The following FLT3LG variants were observed in gnomAD, a reference collection of about 807,000 sequenced individuals.
FLT3LG encodes the protein fms related receptor tyrosine kinase 3 ligand, also known as fms-related tyrosine kinase 3 ligand.
In FLT3LG, 8 loss-of-function variants were observed where a neutral mutation model predicts 30.9. The observed-to-expected ratio is 0.26, with a 90% CI of 0.15 to 0.47. The LOEUF (loss-of-function observed/expected upper bound fraction) is 0.47. FLT3LG is among the 20% of genes least tolerant of loss of function. The probability of loss-of-function intolerance (pLI) is 0.99; values close to 1 mark genes in which losing one functional copy is unlikely to be tolerated. For missense variants in FLT3LG, 278 were observed against 306.2 expected (o/e 0.91, Z 0.69); for synonymous variants, 123 against 135.9 (o/e 0.91, Z 0.66).
Position 49,484,631 on chromosome 19 carries a change from G to A in FLT3LG, c.*22-1384G>A, listed in dbSNP as rs1048609836. 3.3e-5 allele frequency among the ~76,000 whole-genome samples: 5 copies of A among 151,604 alleles called. 1 individual carries two copies. Among genetic ancestry groups the A allele is most frequent in the African/African-American group, 1.2e-4 (5 of 41,244 alleles). ...ACTGCCTCAGCCTCCTGAGTAGCTG[G>A]GATTACAGGCACACACCACCACACC... On this transcript the variant is annotated intron_variant, in intron 8 of 8. Coordinates refer to ENST00000597551, the MANE Select transcript of FLT3LG (RefSeq NM_001459.4).
Position 49,476,729 on chromosome 19 carries a change from G to A in FLT3LG, c.342+163G>A, listed in dbSNP as rs2079407217. 4 of 887,032 alleles carry A rather than the reference G, an allele frequency of 4.5e-6. No homozygotes were observed. Among genetic ancestry groups the A allele is most frequent in the Non-Finnish European group, 6.8e-6 (4 of 591,778 alleles). The allele number at this position is 887,032 out of a possible 1,614,324, so 54.9% of individuals were successfully genotyped here. On this transcript the variant is annotated intron_variant, in intron 5 of 8. Coordinates refer to ENST00000597551, the MANE Select transcript of FLT3LG (RefSeq NM_001459.4). This position sits in a 1 kb window ranked among gnomAD's most constrained non-coding sequence, Gnocchi z 5.3. ...GAGCCCTGTTCCTACAGAACAACACGTCCCCAGGCACCGGTGATGGGGAGC... is the reference window on the plus strand; with the variant it reads ...GAGCCCTGTTCCTACAGAACAACACATCCCCAGGCACCGGTGATGGGGAGC...
intron 2 of FLT3LG, 134 bp downstream of exon 2, chr19:49,474,806 A>T: frequency 5.3e-6 from 4 of 749,998 alleles, no homozygotes; most frequent in Admixed American, 2.6e-5. Context: ...GACAGATGTG[A>T]GGGGAGATGG....
intron 6 of FLT3LG, chr19:49,479,720 A>G: frequency 5.8e-6 from 1 of 172,378 alleles, no homozygotes; most frequent in Non-Finnish European, 1.3e-5. Flanking sequence ...GTCAGCCAGG[A>G]TGGTCTCGAT....
chr19:49,475,841 T>A, intron 3 of FLT3LG, 40 bp downstream of exon 3: 1 of 1,381,066 alleles, frequency 7.2e-7, no homozygotes. Context: ...GTGATCCCCC[T>A]TCCCCCCACT....
At chr19:49,475,620 G>A (rs759091163) in intron 2 of FLT3LG, 71 bp from the exon 3 acceptor site, 5 of 1,549,610 alleles carry the variant, frequency 3.2e-6, no homozygotes, top group Non-Finnish European at 4.3e-6. Flanking sequence ...GAACAGTACA[G>A]GTGGGAAGCC....
chr19:49,480,213 C>A, intron 6 of FLT3LG, 85 bp from the exon 7 acceptor site: 2 of 1,006,502 alleles, frequency 2.0e-6, no homozygotes, highest in Non-Finnish European at 2.9e-6. Flanking sequence ...CATCCAAGGT[C>A]ACACAGCCAG....
At chr19:49,479,395 C>A (rs927903510) in intron 6 of FLT3LG, among the ~76,000 whole-genome samples, 1 of 151,064 alleles carries the variant, frequency 6.6e-6, no homozygotes, top group South Asian at 2.1e-4. Flanking sequence ...GGGGTTTTAC[C>A]GAGTTAAACC....
At chr19:49,480,713 G>A in intron 8 of FLT3LG, 93 bp downstream of exon 8, 1 of 1,327,696 alleles carries the variant, frequency 7.5e-7, no homozygotes, top group South Asian at 1.3e-5. Flanking sequence ...GCAGTGGAGG[G>A]GCAGGGGCAG....
intron 5 of FLT3LG, among the ~76,000 whole-genome samples, chr19:49,477,377 G>A (rs574005283): frequency 6.6e-6 from 1 of 152,050 alleles, no homozygotes; most frequent in East Asian, 1.9e-4. Flanking sequence ...CCTGGAGGTC[G>A]AGGCTGCGAT....
chr19:49,484,288 ATTTTT>A (rs745909519), intron 8 of FLT3LG, among the ~76,000 whole-genome samples: 3 of 98,352 alleles, frequency 3.1e-5, no homozygotes, highest in African/African-American at 1.3e-4. Context: ...TTTTATTATA[ATTTTT>A]TTTTTTTTTT....
intron 8 of FLT3LG, among the ~76,000 whole-genome samples, chr19:49,483,472 C>T (rs2079685048): frequency 6.6e-6 from 1 of 152,074 alleles, no homozygotes. Context: ...ATGAAATTTA[C>T]AGTTGCCAAA....
chr19:49,482,618 G>T (rs934697378), intron 8 of FLT3LG, among the ~76,000 whole-genome samples: 1 of 149,688 alleles, frequency 6.7e-6, no homozygotes, highest in Non-Finnish European at 1.5e-5. Flanking sequence ...TCACTTTCCT[G>T]GTAGCCACAT....
At chr19:49,479,113 CA>C (rs1189353185) in intron 6 of FLT3LG, 66 bp downstream of exon 6, 12 of 1,381,250 alleles carry the variant, frequency 8.7e-6, no homozygotes, top group Non-Finnish European at 1.2e-5. Context: ...CCTCTCTGCA[CA>C]GTGCATCCCA....
rs533973870 is a variant in FLT3LG at position 49,478,239 on chromosome 19, G to A, written c.343-670G>A. On this transcript the variant is annotated intron_variant, in intron 5 of 8. Transcript: ENST00000597551. ...ATCCCACACTTTGGGAGGCCGAGGC[G>A]GGCGGATCACAAGGTCAGGAGATCA... Among the ~76,000 whole-genome samples the A allele has an allele frequency of 2.2e-4, 34 of 152,022 alleles. No homozygotes were observed. In the South Asian group the frequency reaches 4.1e-3, roughly 19 times the overall value.
chr19:49,479,429 T>C (rs1255633612), intron 6 of FLT3LG, among the ~76,000 whole-genome samples: 1 of 151,530 alleles, frequency 6.6e-6, no homozygotes, highest in African/African-American at 2.4e-5. Context: ...TCTCCTGACC[T>C]TGTGATCCAC....
chr19:49,476,207 T>C lies in FLT3LG; in HGVS notation c.198+9T>C. ...CCTCCAACCTGCAGGACGTAAGTCATGTTGGGAGGGACCTGGGATGGAGGT... is the reference window on the plus strand; with the variant it reads ...CCTCCAACCTGCAGGACGTAAGTCACGTTGGGAGGGACCTGGGATGGAGGT... On this transcript the variant is annotated intron_variant, in intron 4 of 8. Transcript: ENST00000597551. The surrounding 1 kb of genome is among the most constrained non-coding windows in gnomAD (Gnocchi z 5.3). 2 of 1,608,632 alleles carry C rather than the reference T, an allele frequency of 1.2e-6. No homozygotes were observed. Among genetic ancestry groups the C allele is most frequent in the Non-Finnish European group, 1.7e-6 (2 of 1,176,290 alleles).
chr19:49,475,591 A>C, intron 2 of FLT3LG, 100 bp from the exon 3 acceptor site: 6 of 1,428,836 alleles, frequency 4.2e-6, no homozygotes, highest in East Asian at 2.5e-5. Context: ...CACCCAGGGA[A>C]GGAGGAGCGG....
chr19:49,484,959 C>T (rs1209575370), intron 8 of FLT3LG, among the ~76,000 whole-genome samples: 1 of 152,022 alleles, frequency 6.6e-6, no homozygotes, highest in Non-Finnish European at 1.5e-5. Context: ...GTGGCGTGCA[C>T]CCGTAATCCC....
At chr19:49,482,974 C>G (rs1362844699) in intron 8 of FLT3LG, among the ~76,000 whole-genome samples, 1 of 151,938 alleles carries the variant, frequency 6.6e-6, no homozygotes, top group African/African-American at 2.4e-5. Flanking sequence ...TTATTTTATG[C>G]AGTATATCCA....
Sources: allele counts gnomAD v4.1 joint callset (sites outside exome capture counted in the v4.1 genomes callset), GRCh38; gene constraint gnomAD v4.1.1; non-coding constraint Gnocchi (gnomAD v3.1); transcripts MANE v1.5; gene names NCBI Gene and HGNC (gene_info 2026-07-23, HGNC 2026-07-21).